Variants in PBX3 observed in about 807,000 individuals in gnomAD.
The protein encoded by PBX3 is pre-B-cell leukemia transcription factor 3.
A neutral mutation model predicts 48.5 loss-of-function variants in PBX3; 14 were observed. The ratio of observed to expected loss-of-function variants is 0.29; its 90% CI spans 0.19 to 0.45. PBX3 has a LOEUF of 0.45. Ranked by LOEUF, PBX3 falls within the 20% of genes least tolerant of loss-of-function variation. The probability of loss-of-function intolerance (pLI) is 1.00; values close to 1 mark genes in which losing one functional copy is unlikely to be tolerated. For synonymous variants in PBX3, 210 were observed against 200.3 expected (o/e 1.05, Z -0.41); for missense variants, 386 against 546.7 (o/e 0.71, Z 2.93).
chr9:125,787,688 A>G (rs1481014948), intron 2 of PBX3, among the ~76,000 whole-genome samples: 1 of 152,218 alleles, frequency 6.6e-6, no homozygotes, highest in Non-Finnish European at 1.5e-5. Context: ...GGAAAGGTAA[A>G]GGAGTGGCTG....
intron 2 of PBX3, among the ~76,000 whole-genome samples, chr9:125,799,613 A>T (rs987826453): frequency 1.3e-5 from 2 of 152,236 alleles, no homozygotes; most frequent in Non-Finnish European, 2.9e-5. Flanking sequence ...CAATATAAAT[A>T]TAAAATAAGC....
At chr9:125,883,659 A>C (rs1206788332) in intron 2 of PBX3, among the ~76,000 whole-genome samples, 2 of 151,906 alleles carry the variant, frequency 1.3e-5, no homozygotes, top group East Asian at 3.9e-4. Context: ...TGTAAACCAC[A>C]TGGAACTATT....
chr9:125,751,926 T>C (rs2131949082), intron 2 of PBX3, among the ~76,000 whole-genome samples: 1 of 152,320 alleles, frequency 6.6e-6, no homozygotes, highest in East Asian at 1.9e-4. Flanking sequence ...TCTTGTCTTC[T>C]TTCCAAAGCC....
intron 2 of PBX3, among the ~76,000 whole-genome samples, chr9:125,752,689 A>G (rs1282855285): frequency 6.6e-6 from 1 of 152,114 alleles, no homozygotes; most frequent in Non-Finnish European, 1.5e-5. Flanking sequence ...TTTTCTTTGT[A>G]CAGTGCTGTG....
intron 5 of PBX3, among the ~76,000 whole-genome samples, chr9:125,942,733 G>A (rs11789188): frequency 0.59 from 89,727 of 152,072 alleles, 29,469 homozygotes; most frequent in East Asian, 0.77. Flanking sequence ...TTAAAAGAAG[G>A]CTACAGACCC....
intron 2 of PBX3, among the ~76,000 whole-genome samples, chr9:125,756,401 C>A (rs1260718026): frequency 5.3e-5 from 8 of 152,124 alleles, no homozygotes; most frequent in Middle Eastern, 3.2e-3. Flanking sequence ...GGGAGGAAGA[C>A]AGACCTTCTG....
intron 5 of PBX3, among the ~76,000 whole-genome samples, chr9:125,955,355 C>T (rs73668740): frequency 0.04 from 6,128 of 152,282 alleles, 441 homozygotes; most frequent in African/African-American, 0.14. Context: ...CAATGCCTTC[C>T]CCATCTCACT....
At chr9:125,797,060 T>C (rs1467568989) in intron 2 of PBX3, among the ~76,000 whole-genome samples, 2 of 152,100 alleles carry the variant, frequency 1.3e-5, no homozygotes, top group South Asian at 2.1e-4. Context: ...AACGTTTATT[T>C]GTCTTATTTT....
Position 125,899,450 on chromosome 9 carries a change from TATATAG to T in PBX3, c.275-16234_275-16229del, listed in dbSNP as rs1393502857. The stretch of plus-strand genomic sequence containing the variant: ...GTCTATATATATGTGTGTATATATA[TATATAG>T]AGAGAGAGAGAGAGAGAGAGAGAGA... On this transcript the variant is annotated intron_variant, in intron 2 of 8. Coordinates refer to ENST00000373489, the MANE Select transcript of PBX3 (RefSeq NM_006195.6). 2.5e-3 allele frequency among the ~76,000 whole-genome samples: 200 copies of T among 79,336 alleles called. 10 individuals carry two copies. Among genetic ancestry groups the T allele is most frequent in the African/African-American group, 8.7e-3 (152 of 17,572 alleles). The allele number at this position is 79,336 out of a possible 152,430, so 52.0% of individuals were successfully genotyped here. A position where few individuals can be genotyped will look rare whatever the true frequency, so the allele number is the denominator to read the frequency against.
chr9:125,810,375 T>C (rs1264267226), intron 2 of PBX3, among the ~76,000 whole-genome samples: 4 of 151,758 alleles, frequency 2.6e-5, no homozygotes, highest in African/African-American at 9.7e-5. Context: ...AGTGTGTGTG[T>C]GTGTGTGTGT....
chr9:125,867,467 C>A (rs769113483), intron 2 of PBX3, among the ~76,000 whole-genome samples: 2 of 151,700 alleles, frequency 1.3e-5, no homozygotes, highest in Non-Finnish European at 2.9e-5. Context: ...TAGTGAAACC[C>A]CATCTGTACT....
chr9:125,756,455 TC>T (rs1443038504), intron 2 of PBX3, among the ~76,000 whole-genome samples: 3 of 152,158 alleles, frequency 2.0e-5, no homozygotes, highest in African/African-American at 7.2e-5. Context: ...GGAACTTCTA[TC>T]TATAAACCAT....
At chr9:125,836,366 A>G (rs1839135038) in intron 2 of PBX3, among the ~76,000 whole-genome samples, 1 of 151,400 alleles carries the variant, frequency 6.6e-6, no homozygotes, top group Admixed American at 6.6e-5. Flanking sequence ...AATGGCATGA[A>G]CCCGGGAAGC....
intron 3 of PBX3, among the ~76,000 whole-genome samples, chr9:125,916,327 C>T (rs982397884): frequency 6.6e-6 from 1 of 152,148 alleles, no homozygotes; most frequent in Non-Finnish European, 1.5e-5. Flanking sequence ...GCTTTTCCCT[C>T]CTATGCTGTG....
chr9:125,793,849 T>C, intron 2 of PBX3, among the ~76,000 whole-genome samples: 1 of 152,272 alleles, frequency 6.6e-6, no homozygotes, highest in Non-Finnish European at 1.5e-5. Context: ...TAATACGTTA[T>C]ATTAAATATA....
At chr9:125,952,253 A>G (rs1324012558) in intron 5 of PBX3, among the ~76,000 whole-genome samples, 1 of 152,216 alleles carries the variant, frequency 6.6e-6, no homozygotes, top group African/African-American at 2.4e-5. Flanking sequence ...TAATTTCAAT[A>G]ATGATGTTTT....
intron 2 of PBX3, among the ~76,000 whole-genome samples, chr9:125,844,254 A>G (rs1839366177): frequency 6.6e-6 from 1 of 150,852 alleles, no homozygotes; most frequent in Admixed American, 6.6e-5. Flanking sequence ...AACGCTGGCA[A>G]CAAGCTCCAT....
chr9:125,907,098 A>G (rs1462802218), intron 2 of PBX3, among the ~76,000 whole-genome samples: 1 of 152,062 alleles, frequency 6.6e-6, no homozygotes, highest in African/African-American at 2.4e-5. Flanking sequence ...ACACATCAAA[A>G]TGGCATTCTA....
At chr9:125,918,835 C>T (rs985958480) in intron 3 of PBX3, among the ~76,000 whole-genome samples, 1 of 152,186 alleles carries the variant, frequency 6.6e-6, no homozygotes, top group Non-Finnish European at 1.5e-5. Context: ...CCAAAACAGT[C>T]AACTTTTCCT....
Sources: allele counts gnomAD v4.1 joint callset (sites outside exome capture counted in the v4.1 genomes callset), GRCh38; gene constraint gnomAD v4.1.1; transcripts MANE v1.5; gene names NCBI Gene and HGNC (gene_info 2026-07-23, HGNC 2026-07-21).